The following MRPS6 variants were observed in gnomAD, a reference collection of about 807,000 sequenced individuals.
MRPS6 encodes the protein small ribosomal subunit protein bS6m.
In MRPS6, 6 loss-of-function variants were observed where a neutral mutation model predicts 13.1. That is an observed-to-expected ratio of 0.46 (90% CI 0.25 to 0.91). The LOEUF (loss-of-function observed/expected upper bound fraction) is 0.91, where lower values mean the gene tolerates loss of function less well. Ranked by LOEUF, MRPS6 falls within the 40% of genes least tolerant of loss-of-function variation. MRPS6 has a pLI of 0.18. For synonymous variants in MRPS6, 61 were observed against 56.5 expected, an observed-to-expected ratio of 1.08 and a Z score of -0.36; for missense variants, 164 against 155.6, an observed-to-expected ratio of 1.05 and a Z score of -0.29.
intron 2 of MRPS6, among the ~76,000 whole-genome samples, chr21:34,128,560 T>C (rs1448336789): frequency 6.6e-6 from 1 of 152,208 alleles, no homozygotes; most frequent in Non-Finnish European, 1.5e-5. Context: ...AATAAAAATA[T>C]AGTCATTATA....
intron 2 of MRPS6, among the ~76,000 whole-genome samples, chr21:34,139,055 A>C (rs1980809194): frequency 1.3e-5 from 2 of 151,892 alleles, no homozygotes; most frequent in Non-Finnish European, 2.9e-5. Flanking sequence ...ATGAAATTGG[A>C]AATCATCATT....
At chr21:34,106,231 G>C (rs977133083) in intron 1 of MRPS6, 1 of 933,968 alleles carries the variant, frequency 1.1e-6, no homozygotes, top group African/African-American at 1.8e-5. Context: ...TAGCAATTCT[G>C]TACCAACTTT....
intron 1 of MRPS6, among the ~76,000 whole-genome samples, chr21:34,108,892 GT>G (rs1462252346): frequency 1.3e-5 from 2 of 152,168 alleles, no homozygotes; most frequent in Admixed American, 6.5e-5. Flanking sequence ...GGTTCTTTCA[GT>G]ATGGCAGCTC....
chr21:34,132,206 G>A (rs1980527856), intron 2 of MRPS6, among the ~76,000 whole-genome samples: 1 of 152,122 alleles, frequency 6.6e-6, no homozygotes, highest in African/African-American at 2.4e-5. Context: ...GTTGGTAAGA[G>A]GTTCAACTTC....
intron 2 of MRPS6, chr21:34,135,795 C>T: frequency 1.9e-6 from 1 of 521,050 alleles, no homozygotes; most frequent in Non-Finnish European, 3.8e-6. Flanking sequence ...TCATGAGCTT[C>T]TTGCTGTTGT....
chr21:34,125,169 A>C, intron 1 of MRPS6, 172 bp from the exon 2 acceptor site: 1 of 1,021,224 alleles, frequency 9.8e-7, no homozygotes, highest in Non-Finnish European at 1.4e-6. Flanking sequence ...CTTACAATAA[A>C]TTCTCTCTCT....
chr21:34,080,992 G>A (rs758975602), intron 1 of MRPS6, among the ~76,000 whole-genome samples: 10 of 152,156 alleles, frequency 6.6e-5, no homozygotes, highest in Non-Finnish European at 1.2e-4. Context: ...TAAATATCAT[G>A]TGAGCTGATG....
intron 1 of MRPS6, chr21:34,122,238 G>A (rs1337358056): frequency 6.6e-6 from 1 of 152,214 alleles, no homozygotes; most frequent in Non-Finnish European, 1.5e-5. Context: ...TGAGTTGGCT[G>A]TGTTCCAGTT....
At chr21:34,098,789 C>A (rs1979093992) in intron 1 of MRPS6, 1 of 1,000,028 alleles carries the variant, frequency 1.0e-6, no homozygotes, top group African/African-American at 1.7e-5. Flanking sequence ...TAGAGAAAAG[C>A]TCTACAGATT....
intron 1 of MRPS6, chr21:34,097,503 CTT>C: frequency 7.1e-7 from 1 of 1,411,662 alleles, no homozygotes; most frequent in Non-Finnish European, 9.3e-7. Flanking sequence ...AATTACAAGA[CTT>C]TATTTTCCCA....
chr21:34,142,799 C>G lies in MRPS6; in HGVS notation c.*199C>G. The stretch of plus-strand genomic sequence containing the variant: ...TGCTCACTGACAGCTTCTCTGTAAC[C>G]TGCAGTACCAGTGGATCGTTCTTGA... On this transcript the variant is annotated 3_prime_UTR_variant, in exon 3 of 3. Coordinates refer to ENST00000399312, the MANE Select transcript of MRPS6 (RefSeq NM_032476.4). 2 of 487,328 alleles carry G rather than the reference C, an allele frequency of 4.1e-6. No individual in the cohort carries two copies. The highest frequency in any genetic ancestry group is 3.4e-6 in the Non-Finnish European group (1 of 291,112). The allele number at this position is 487,328 out of a possible 1,614,324, so 30.2% of individuals were successfully genotyped here.
intron 1 of MRPS6, chr21:34,100,068 T>A: frequency 1.0e-6 from 1 of 996,948 alleles, no homozygotes; most frequent in Non-Finnish European, 1.2e-6. Flanking sequence ...TCTTTAGACA[T>A]TAACATGTGT....
chr21:34,103,100 A>T (rs1979320268), intron 1 of MRPS6: 1 of 1,000,002 alleles, frequency 1.0e-6, no homozygotes, highest in South Asian at 4.7e-5. Flanking sequence ...ATAATTGGAA[A>T]CAGAAACGAG....
chr21:34,076,222 A>G (rs1989327644), intron 1 of MRPS6, among the ~76,000 whole-genome samples: 1 of 152,212 alleles, frequency 6.6e-6, no homozygotes, highest in African/African-American at 2.4e-5. Flanking sequence ...CGCAGTACTC[A>G]GCCTGGAGAG....
intron 1 of MRPS6, among the ~76,000 whole-genome samples, chr21:34,093,062 A>G (rs1978786342): frequency 6.6e-6 from 1 of 152,204 alleles, no homozygotes; most frequent in Non-Finnish European, 1.5e-5. Context: ...TTTTTAAATA[A>G]TGTTTACTAG....
At chr21:34,142,382 A>G in intron 2 of MRPS6, 26 bp from the exon 3 acceptor site, 2 of 1,547,780 alleles carry the variant, frequency 1.3e-6, no homozygotes, top group Non-Finnish European at 1.7e-6. Context: ...AAATGCAGAC[A>G]CTCACAAGTT....
rs766187984 is a variant in MRPS6, at chr21:34,097,085, C to T, written c.45+23340C>T. The T allele has an allele frequency of 7.4e-6, 12 of 1,614,002 alleles. No individual in the cohort carries two copies. The East Asian group carries it at 1.8e-4, about 24-fold the overall frequency. ...ATTCAGAGGCAGAAACACCAGTTGA[C>T]GCTTACTCCAATGGGCAAGCAGCTC... On this transcript the variant is annotated intron_variant, in intron 1 of 2. Transcript: ENST00000399312.
intron 1 of MRPS6, among the ~76,000 whole-genome samples, chr21:34,078,564 G>A (rs79730062): frequency 3.3e-5 from 5 of 152,024 alleles, no homozygotes; most frequent in African/African-American, 9.7e-5. Flanking sequence ...AGTATTATAT[G>A]CAGACTATTG....
chr21:34,140,270 C>G (rs1388788845), intron 2 of MRPS6, among the ~76,000 whole-genome samples: 3 of 151,666 alleles, frequency 2.0e-5, no homozygotes, highest in South Asian at 4.2e-4. Flanking sequence ...AATTTCCTGA[C>G]AAGTATTGCT....
Sources: gnomAD v4.1 joint callset for allele counts (sites outside exome capture counted in the v4.1 genomes callset) on GRCh38, gnomAD v4.1.1 for gene constraint, MANE v1.5 for transcripts, NCBI Gene and HGNC (gene_info 2026-07-23, HGNC 2026-07-21) for gene names.